Variants in RGS7 observed in about 807,000 individuals in gnomAD.
RGS7 encodes the protein regulator of G-protein signaling 7.
Under a neutral mutation model 81.1 loss-of-function variants are expected in RGS7, and 27 were observed. The ratio of observed to expected loss-of-function variants is 0.33; its 90% CI spans 0.25 to 0.46. RGS7 has a LOEUF of 0.46. RGS7 is among the 20% of genes least tolerant of loss of function. RGS7 has a pLI of 1.00. For missense variants in RGS7, 396 were observed against 607.4 expected (o/e 0.65, Z 3.66); for synonymous variants, 208 against 207.7 (o/e 1.00, Z -0.01).
chr1:241,090,348 G>A (rs1195565214), intron 3 of RGS7, among the ~76,000 whole-genome samples: 2 of 152,156 alleles, frequency 1.3e-5, no homozygotes, highest in Non-Finnish European at 2.9e-5. Flanking sequence ...TCTGGCATGT[G>A]CAATTTTTAC....
chr1:241,266,630 A>G (rs934014684), intron 2 of RGS7, among the ~76,000 whole-genome samples: 2 of 152,096 alleles, frequency 1.3e-5, no homozygotes, highest in Non-Finnish European at 2.9e-5. Context: ...CCTTTCCTCA[A>G]TGTATTTTAT....
At chr1:241,071,552 T>A (rs538495301) in intron 3 of RGS7, among the ~76,000 whole-genome samples, 141 of 151,782 alleles carry the variant, frequency 9.3e-4, no homozygotes, top group African/African-American at 3.3e-3. Context: ...ACATTTTTAT[T>A]CTCTGATCTT....
At chr1:241,206,351 A>T (rs1304786088) in intron 2 of RGS7, among the ~76,000 whole-genome samples, 1 of 150,176 alleles carries the variant, frequency 6.7e-6, no homozygotes, top group Non-Finnish European at 1.5e-5. Context: ...CCGTCTCCTG[A>T]GTAGCTGGGA....
intron 4 of RGS7, among the ~76,000 whole-genome samples, chr1:240,976,046 A>G (rs1033395324): frequency 1.3e-5 from 2 of 152,256 alleles, no homozygotes; most frequent in African/African-American, 4.8e-5. Context: ...CATTGTAAGA[A>G]GCCAGTGCTA....
At chr1:240,841,756 G>C (rs1658043509) in intron 9 of RGS7, among the ~76,000 whole-genome samples, 1 of 152,158 alleles carries the variant, frequency 6.6e-6, no homozygotes, top group Non-Finnish European at 1.5e-5. Context: ...TCTACGACAA[G>C]AGTCATTCAA....
At chr1:240,920,458 C>A in intron 6 of RGS7, 1 of 1,081,720 alleles carries the variant, frequency 9.2e-7, no homozygotes, top group South Asian at 1.2e-5. Context: ...AACAATCAAT[C>A]TTCACATTTT....
At chr1:241,335,055 T>G (rs1462774393) in intron 2 of RGS7, among the ~76,000 whole-genome samples, 1 of 152,150 alleles carries the variant, frequency 6.6e-6, no homozygotes, top group African/African-American at 2.4e-5. Context: ...CTAAACCAAG[T>G]AAAATCAAAA....
At chr1:240,976,725 CTCTA>C (rs3044718) in intron 4 of RGS7, among the ~76,000 whole-genome samples, 44,664 of 147,910 alleles carry the variant, frequency 0.3, 6,745 homozygotes, top group South Asian at 0.37. Flanking sequence ...TCCTCAAAAT[CTCTA>C]TCTATCTATC....
intron 3 of RGS7, among the ~76,000 whole-genome samples, chr1:240,988,588 GTTTA>G (rs1402105987): frequency 6.6e-6 from 1 of 152,128 alleles, no homozygotes; most frequent in Non-Finnish European, 1.5e-5. Context: ...ATAACATTTT[GTTTA>G]TTTGAGTACT....
chr1:241,344,636 T>C (rs2082774655), intron 2 of RGS7, among the ~76,000 whole-genome samples: 1 of 152,272 alleles, frequency 6.6e-6, no homozygotes, highest in African/African-American at 2.4e-5. Context: ...AGGGTATTTT[T>C]TTCTTCTTTC....
intron 6 of RGS7, among the ~76,000 whole-genome samples, chr1:240,878,489 C>CTTTTTTTTTTTTTTTTTTTTT (rs57896753): frequency 3.3e-4 from 39 of 117,526 alleles, no homozygotes; most frequent in East Asian, 5.0e-4. Context: ...TTTTTTCTTT[C>CTTTTTTTTTTTTTTTTTTTTT]TTTTTTTTTT....
chr1:241,291,619 C>G (rs1405077573), intron 2 of RGS7, among the ~76,000 whole-genome samples: 1 of 97,846 alleles, frequency 1.0e-5, no homozygotes, highest in Non-Finnish European at 1.9e-5. Context: ...GCTCTTGTTG[C>G]CCAGGCTGGA....
At chr1:241,100,128 C>A (rs557595876) in intron 2 of RGS7, among the ~76,000 whole-genome samples, 1 of 150,904 alleles carries the variant, frequency 6.6e-6, no homozygotes, top group East Asian at 2.0e-4. Context: ...GTAATCCCAG[C>A]ACTTTGGGAG....
intron 2 of RGS7, among the ~76,000 whole-genome samples, chr1:241,315,977 T>A (rs1245146509): frequency 6.6e-6 from 1 of 152,242 alleles, no homozygotes; most frequent in African/African-American, 2.4e-5. Flanking sequence ...TTTCCTTCAT[T>A]TGTTGATATA....
At chr1:240,913,931 CTTT>C (rs1672174150) in intron 6 of RGS7, among the ~76,000 whole-genome samples, 1 of 148,838 alleles carries the variant, frequency 6.7e-6, no homozygotes. Context: ...TATTATTATA[CTTT>C]AAGTTTTAGG....
intron 2 of RGS7, among the ~76,000 whole-genome samples, chr1:241,354,836 T>C (rs1447719587): frequency 2.6e-5 from 4 of 152,132 alleles, no homozygotes; most frequent in Non-Finnish European, 5.9e-5. Flanking sequence ...CTCCAGATAA[T>C]ATACTCAAAA....
intron 2 of RGS7, among the ~76,000 whole-genome samples, chr1:241,304,257 G>A (rs1037200828): frequency 2.0e-5 from 3 of 152,124 alleles, no homozygotes; most frequent in Non-Finnish European, 2.9e-5. Flanking sequence ...CACTCTGATT[G>A]CTGTGGTAGA....
intron 2 of RGS7, among the ~76,000 whole-genome samples, chr1:241,176,015 T>C (rs2071114573): frequency 6.6e-6 from 1 of 152,224 alleles, no homozygotes; most frequent in Admixed American, 6.5e-5. Flanking sequence ...GAACTATCAC[T>C]ATAGCCACTT....
chr1:240,903,540 T>G (rs533497303), intron 6 of RGS7, among the ~76,000 whole-genome samples: 1 of 152,076 alleles, frequency 6.6e-6, no homozygotes, highest in South Asian at 2.1e-4. Flanking sequence ...TATAGATAAT[T>G]ATAGTTGGCA....
Sources: gnomAD v4.1 joint callset for allele counts (sites outside exome capture counted in the v4.1 genomes callset) on GRCh38, gnomAD v4.1.1 for gene constraint, MANE v1.5 for transcripts, NCBI Gene and HGNC (gene_info 2026-07-23, HGNC 2026-07-21) for gene names.